The following ERC1 variants were observed in gnomAD, a reference collection of about 807,000 sequenced individuals.
The protein encoded by ERC1 is ELKS/RAB6-interacting/CAST family member 1, also known as RAB6 interacting protein 2.
In ERC1, 56 loss-of-function variants were observed where a neutral mutation model predicts 132.0. The ratio of observed to expected loss-of-function variants is 0.42; its 90% CI spans 0.34 to 0.53. The LOEUF (loss-of-function observed/expected upper bound fraction) is 0.53, where lower values mean the gene tolerates loss of function less well. ERC1 is among the 20% of genes least tolerant of loss of function. The pLI, the probability that ERC1 is intolerant of heterozygous loss-of-function variation, is 0.03. For synonymous variants in ERC1, 478 were observed against 476.1 expected (o/e 1.00, Z -0.05); for missense variants, 1,202 against 1,349.9 (o/e 0.89, Z 1.72).
intron 15 of ERC1, among the ~76,000 whole-genome samples, chr12:1,334,019 A>T (rs928477476): frequency 2.6e-5 from 4 of 151,966 alleles, no homozygotes; most frequent in African/African-American, 9.7e-5. Context: ...AGCTTTTTTC[A>T]TGTGCTTCTT....
At chr12:1,061,435 TAAAAA>T (rs35881682) in intron 2 of ERC1, among the ~76,000 whole-genome samples, 2 of 141,042 alleles carry the variant, frequency 1.4e-5, no homozygotes, top group African/African-American at 2.6e-5. Context: ...GTCTCTACTA[TAAAAA>T]AAAAAAAAAA....
intron 3 of ERC1, among the ~76,000 whole-genome samples, chr12:1,100,792 G>A (rs1458080961): frequency 6.6e-6 from 1 of 152,158 alleles, no homozygotes; most frequent in Non-Finnish European, 1.5e-5. Context: ...GTACATACGA[G>A]TATGGATTTC....
At chr12:1,482,785 A>G (rs909345390) in intron 18 of ERC1, among the ~76,000 whole-genome samples, 2 of 152,108 alleles carry the variant, frequency 1.3e-5, no homozygotes, top group African/African-American at 4.8e-5. Context: ...ATTTACATAC[A>G]TACAACTCAC....
rs75192034 is a variant in ERC1, at chr12:1,440,505, C to CTT, written c.3025-4042_3025-4041dup. On this transcript the variant is annotated intron_variant, in intron 17 of 18. Transcript: ENST00000360905. ...ACAGGTGTGAGCCACCGCGCCCGGC[C>CTT]TTTTTTTTTTTTTTTTAATAGAGAC... is the stretch of plus-strand genomic sequence containing the variant. Among the ~76,000 whole-genome samples the CTT allele has an allele frequency of 2.5e-3, 317 of 126,182 alleles. 13 individuals are homozygous for CTT. The highest frequency in any genetic ancestry group is 9.2e-3 in the African/African-American group (299 of 32,450). The allele number at this position is 126,182 out of a possible 152,430, so 82.8% of individuals were successfully genotyped here.
intron 15 of ERC1, among the ~76,000 whole-genome samples, chr12:1,341,571 G>A (rs1180645765): frequency 2.8e-5 from 4 of 144,874 alleles, no homozygotes; most frequent in African/African-American, 5.1e-5. Context: ...ACAGAAAACC[G>A]AACACTGCAT....
At chr12:1,388,440 T>C (rs11609292) in intron 16 of ERC1, among the ~76,000 whole-genome samples, 44,751 of 151,284 alleles carry the variant, frequency 0.3, 6,816 homozygotes, top group Middle Eastern at 0.35. Flanking sequence ...TGCTGAAGCA[T>C]GAAGCATCCT....
At chr12:1,020,387 A>G (rs1966172467) in intron 1 of ERC1, among the ~76,000 whole-genome samples, 1 of 152,114 alleles carries the variant, frequency 6.6e-6, no homozygotes, top group South Asian at 2.1e-4. Flanking sequence ...AACCTGGGAG[A>G]CGGAGGTTGC....
At chr12:1,394,295 G>A (rs2090333969) in intron 16 of ERC1, among the ~76,000 whole-genome samples, 1 of 151,732 alleles carries the variant, frequency 6.6e-6, no homozygotes, top group Non-Finnish European at 1.5e-5. Flanking sequence ...AGCTACTGGG[G>A]AGGCTGAGGC....
chr12:1,438,954 A>AAAAATATAT (rs1015181197), intron 17 of ERC1, among the ~76,000 whole-genome samples: 4 of 143,492 alleles, frequency 2.8e-5, no homozygotes, highest in African/African-American at 5.2e-5. Context: ...TTTAAAAAAA[A>AAAAATATAT]ATATATATAT....
At chr12:1,182,508 T>G (rs1032936732) in intron 10 of ERC1, among the ~76,000 whole-genome samples, 3 of 152,236 alleles carry the variant, frequency 2.0e-5, no homozygotes, top group Admixed American at 6.5e-5. Context: ...TAATATGACC[T>G]AAATAGCAAA....
chr12:1,403,244 T>C (rs1428065513), intron 16 of ERC1, among the ~76,000 whole-genome samples: 1 of 152,204 alleles, frequency 6.6e-6, no homozygotes, highest in African/African-American at 2.4e-5. Context: ...GACAACGTTA[T>C]TCTTTATGTC....
At chr12:1,206,193 G>A (rs151021920) in intron 12 of ERC1, among the ~76,000 whole-genome samples, 29 of 152,134 alleles carry the variant, frequency 1.9e-4, no homozygotes, top group African/African-American at 6.5e-4. Flanking sequence ...TTATGATTTA[G>A]TGCAGTATTT....
At chr12:1,402,480 A>AC (rs1444044641) in intron 16 of ERC1, among the ~76,000 whole-genome samples, 1 of 152,044 alleles carries the variant, frequency 6.6e-6, no homozygotes, top group Non-Finnish European at 1.5e-5. Context: ...CCGAGATCAC[A>AC]CCACTGCACT....
At chr12:1,199,478 A>T (rs1366129156) in intron 12 of ERC1, among the ~76,000 whole-genome samples, 1 of 152,188 alleles carries the variant, frequency 6.6e-6, no homozygotes, top group Non-Finnish European at 1.5e-5. Flanking sequence ...TTGTTAAAAA[A>T]AAAATGTTAT....
intron 15 of ERC1, among the ~76,000 whole-genome samples, chr12:1,311,029 G>A (rs935058154): frequency 2.0e-5 from 3 of 152,250 alleles, no homozygotes; most frequent in African/African-American, 7.2e-5. Context: ...AAGGGAGGGA[G>A]ACAAGAAACA....
chr12:1,459,382 T>C (rs965889276), intron 18 of ERC1, among the ~76,000 whole-genome samples: 9 of 152,298 alleles, frequency 5.9e-5, no homozygotes, highest in African/African-American at 2.2e-4. Flanking sequence ...GGGGAGAAAT[T>C]TCTTTCAGAT....
intron 18 of ERC1, 45 bp downstream of exon 18, chr12:1,444,795 G>T (rs776742302): frequency 2.5e-6 from 4 of 1,588,742 alleles, no homozygotes; most frequent in African/African-American, 1.3e-5. Flanking sequence ...TGAAAATCCA[G>T]TTGCTGTGTA....
intron 15 of ERC1, among the ~76,000 whole-genome samples, chr12:1,305,738 A>AT (rs374653575): frequency 1.3e-5 from 2 of 151,926 alleles, no homozygotes; most frequent in African/African-American, 4.8e-5. Flanking sequence ...GTCTGTTAGG[A>AT]TTTTTTTCTC....
At chr12:1,260,535 A>G (rs971387335) in intron 13 of ERC1, among the ~76,000 whole-genome samples, 1 of 152,196 alleles carries the variant, frequency 6.6e-6, no homozygotes, top group African/African-American at 2.4e-5. Context: ...TTTCCTGTTT[A>G]TTTCTTACAG....
Sources: gnomAD v4.1 joint callset for allele counts (sites outside exome capture counted in the v4.1 genomes callset) on GRCh38, gnomAD v4.1.1 for gene constraint, MANE v1.5 for transcripts, NCBI Gene and HGNC (gene_info 2026-07-23, HGNC 2026-07-21) for gene names.